PNPLA7: variants seen among roughly 807,000 people sequenced by gnomAD.
The protein encoded by PNPLA7 is patatin like domain 7, lysophospholipase, also known as patatin-like phospholipase domain-containing protein 7.
A neutral mutation model predicts 161.7 loss-of-function variants in PNPLA7; 153 were observed. That is an observed-to-expected ratio of 0.95 (90% CI 0.83 to 1.08). The LOEUF (loss-of-function observed/expected upper bound fraction) is 1.08, where lower values mean the gene tolerates loss of function less well. Ranked by LOEUF, PNPLA7 falls within the 50% of genes least tolerant of loss-of-function variation. The pLI is 0.00. For missense variants in PNPLA7, 1,739 were observed against 1,856.6 expected, an observed-to-expected ratio of 0.94 and a Z score of 1.16; for synonymous variants, 809 against 782.1, an observed-to-expected ratio of 1.03 and a Z score of -0.57.
At chr9:137,464,931 G>A (rs529088521) in intron 26 of PNPLA7, 1 of 170,042 alleles carries the variant, frequency 5.9e-6, no homozygotes, top group South Asian at 1.4e-4. Context: ...TGCCACTGCG[G>A]TACTCCATCA....
intron 11 of PNPLA7, 35 bp downstream of exon 11, chr9:137,519,882 G>T (rs1327119065): frequency 6.3e-7 from 1 of 1,593,120 alleles, no homozygotes; most frequent in South Asian, 1.1e-5. Context: ...CGGACTCTGG[G>T]GCTGGACATT....
At chr9:137,478,429 T>G in intron 24 of PNPLA7, 1 of 315,080 alleles carries the variant, frequency 3.2e-6, no homozygotes. Context: ...TGGGCCCGGG[T>G]GGGGGGCCAG....
rs202149300 is a variant in PNPLA7, at chr9:137,505,994, C to T, written c.1315G>A (p.Val439Met). Residue 439 changes from valine (V) to methionine (M), a missense_variant, in exon 13 of 35, where the codon GTG becomes ATG. By Grantham distance (21) the Val-to-Met change is conservative. Coordinates refer to ENST00000406427, the MANE Select transcript of PNPLA7 (RefSeq NM_001098537.3). ...CAGCCAGGGCCTACCTTGCTGGCCA[C>T]GGAGCTCCCGGGGTGCTCGTCCGAG... The part of the protein sequence containing the change: ...LHSDEHPGSS[V>M]ASKSRKSVMV... 19 of 1,610,210 alleles carry T rather than the reference C, an allele frequency of 1.2e-5. No individual in the cohort carries two copies. Among genetic ancestry groups the T allele is most frequent in the Middle Eastern group, 1.7e-4 (1 of 6,054 alleles).
chr9:137,545,883 G>A (rs530410234), intron 4 of PNPLA7, among the ~76,000 whole-genome samples: 91 of 152,266 alleles, frequency 6.0e-4, no homozygotes, highest in South Asian at 1.0e-3. Context: ...TAGCGGTAGC[G>A]TCAGTGTCAA....
At chr9:137,485,714 C>G (rs534214811) in intron 20 of PNPLA7, among the ~76,000 whole-genome samples, 3 of 152,228 alleles carry the variant, frequency 2.0e-5, no homozygotes, top group Non-Finnish European at 4.4e-5. Flanking sequence ...CCCGGAGACG[C>G]GAGTGAGGGT....
rs71510827 is a variant in PNPLA7, at chr9:137,500,651, G to T, written c.1757+40C>A. 0.1 allele frequency: 164,352 copies of T among 1,591,820 alleles called. 11,356 individuals carry two copies. Among genetic ancestry groups the T allele is most frequent in the East Asian group, 0.26 (11,360 of 44,394 alleles). ...CGGGGAGGGGTCTCAGGGCAGGGGG[G>T]GCTGGGGCCCGCCCTGAGGTCCTGG... On this transcript the variant is annotated intron_variant, in intron 16 of 34. Transcript: ENST00000406427. This position sits in a 1 kb window ranked among gnomAD's most constrained non-coding sequence, Gnocchi z 5.5.
In PNPLA7 at chr9:137,505,587, G is replaced by A. The variant is rs770577461; in HGVS notation, c.1473+27C>T. On this transcript the variant is annotated intron_variant, in intron 14 of 34. Coordinates refer to ENST00000406427, the MANE Select transcript of PNPLA7 (RefSeq NM_001098537.3). ...GGCCACGGGCCCTGGGTGGGACAAG[G>A]GCCAGGTGCCCGCCGGGGCCACTCA... The A allele has an allele frequency of 2.0e-5, 32 of 1,611,878 alleles. 1 individual carries two copies. The South Asian group carries it at 3.5e-4, about 18-fold the overall frequency.
At position 137,460,541 on chromosome 9, in the gene PNPLA7, C is replaced by G. The variant is rs548988198; in HGVS notation, c.3946-65G>C. 2.6e-3 allele frequency: 4,143 copies of G among 1,600,202 alleles called. 8 individuals are homozygous for G. The highest frequency in any genetic ancestry group is 3.2e-3 in the Non-Finnish European group (3,711 of 1,171,564). On this transcript the variant is annotated intron_variant, in intron 34 of 34. Coordinates refer to ENST00000406427, the MANE Select transcript of PNPLA7 (RefSeq NM_001098537.3). ...GGCAGGGGCTCTGCAGCGCTGGTAA[C>G]CCGGTGGGACCACAGGGAGGGAGTG...
intron 7 of PNPLA7, 39 bp downstream of exon 7, chr9:137,542,603 C>T (rs769101489): frequency 6.8e-5 from 103 of 1,509,266 alleles, no homozygotes; most frequent in Middle Eastern, 4.9e-4. Context: ...GAGGTAAATG[C>T]GCAGCCGCCT....
rs1347313254 is a variant in PNPLA7 at position 137,499,147 on chromosome 9, G to C, written c.1758-902C>G. Among the ~76,000 whole-genome samples the C allele has an allele frequency of 1.3e-5, 2 of 151,304 alleles. No homozygotes were observed. The highest frequency in any genetic ancestry group is 4.9e-5 in the African/African-American group (2 of 41,122). The stretch of plus-strand genomic sequence containing the variant: ...ACACAGACACACACAGACACACGGA[G>C]ACAGAGACACTCGCAGACACACGGA... On this transcript the variant is annotated intron_variant, in intron 16 of 34. Coordinates refer to ENST00000406427, the MANE Select transcript of PNPLA7 (RefSeq NM_001098537.3). The surrounding 1 kb of genome is among the most constrained non-coding windows in gnomAD (Gnocchi z 5.5).
intron 20 of PNPLA7, among the ~76,000 whole-genome samples, chr9:137,491,123 G>A (rs1163896461): frequency 6.6e-6 from 1 of 152,198 alleles, no homozygotes; most frequent in African/African-American, 2.4e-5. Context: ...GCTGGGCGCA[G>A]AGGCTCACAG....
rs546826905 is a variant in PNPLA7 at position 137,495,928 on chromosome 9, A to T, written c.2014-782T>A. 6.7e-4 allele frequency among the ~76,000 whole-genome samples: 102 copies of T among 152,114 alleles called. 1 individual carries two copies. Among genetic ancestry groups the T allele is most frequent in the Admixed American group, 3.6e-3 (55 of 15,292 alleles). ...GCCTGCTGAGCCATCGGAGCGCGGG[A>T]CTCTGATGGGAAGACCTTCGGCCCT... is the stretch of plus-strand genomic sequence containing the variant. On this transcript the variant is annotated intron_variant, in intron 18 of 34. Coordinates refer to ENST00000406427, the MANE Select transcript of PNPLA7 (RefSeq NM_001098537.3).
intron 25 of PNPLA7, among the ~76,000 whole-genome samples, chr9:137,475,376 T>TTTATTG (rs1015741576): frequency 1.3e-5 from 2 of 152,148 alleles, no homozygotes; most frequent in African/African-American, 4.8e-5. Context: ...CCTTGTTTTG[T>TTTATTG]TTTTTGTTTT....
At position 137,517,344 on chromosome 9, in the gene PNPLA7, C is replaced by T. The variant is rs1250205852; in HGVS notation, c.1085-1825G>A. On this transcript the variant is annotated intron_variant, in intron 11 of 34. Transcript: ENST00000406427. ...TCCACTCTGTCCACTCCATCCCCCA[C>T]TCACTCACTCCACTCTGTCCACTCC... 1.2e-3 allele frequency among the ~76,000 whole-genome samples: 113 copies of T among 98,170 alleles called. 1 individual carries two copies. Among genetic ancestry groups the T allele is most frequent in the Non-Finnish European group, 1.9e-3 (94 of 49,540 alleles). 64.4% of individuals were successfully genotyped at this position (98,170 alleles called of 152,430 possible).
chr9:137,511,924 T>C (rs763849379), intron 12 of PNPLA7, among the ~76,000 whole-genome samples: 3 of 152,154 alleles, frequency 2.0e-5, no homozygotes, highest in Non-Finnish European at 4.4e-5. Context: ...CGTGGACAGG[T>C]GACTTGCTTG....
At chr9:137,519,179 C>G (rs1237949102) in intron 11 of PNPLA7, among the ~76,000 whole-genome samples, 1 of 152,274 alleles carries the variant, frequency 6.6e-6, no homozygotes, top group Non-Finnish European at 1.5e-5. Flanking sequence ...TTAGTCACTT[C>G]AATTCTTTTG....
In PNPLA7 at chr9:137,467,536, G is replaced by A; in HGVS notation, c.2883-63C>T. The A allele has an allele frequency of 6.4e-7, 1 of 1,571,318 alleles. No individual in the cohort carries two copies. The highest frequency in any genetic ancestry group is 8.6e-7 in the Non-Finnish European group (1 of 1,156,260). ...CAGGCCCAGGCTGCGCCCTGCAGAG[G>A]CCTTGTGCTCATCCTCAGTTCCCAA... On this transcript the variant is annotated intron_variant, in intron 25 of 34. Transcript: ENST00000406427. This position sits in a 1 kb window ranked among gnomAD's most constrained non-coding sequence, Gnocchi z 5.1.
In PNPLA7 at chr9:137,542,733, T is replaced by A. The variant is rs746158422; in HGVS notation, c.575A>T (p.Gln192Leu). The part of the protein sequence containing the change: ...LCKHIVFVQL[Q>L]EGEHVFQPRE... ...GGGCTGGAAGACGTGCTCCCCTTCC[T>A]GCAGCTGCACAAAGACGATGTGTTT... Residue 192 changes from glutamine (Q) to leucine (L), a missense_variant, in exon 7 of 35, where the codon CAG (glutamine) becomes CTG (leucine). Physicochemically the swap from Gln to Leu is moderately radical, Grantham distance 113. Transcript: ENST00000406427. The A allele has an allele frequency of 5.6e-6, 9 of 1,613,632 alleles. No homozygotes were observed. The Admixed American group carries it at 1.5e-4, about 27-fold the overall frequency.
chr9:137,509,230 TTAGC>T (rs1834075301), intron 12 of PNPLA7: 1 of 155,878 alleles, frequency 6.4e-6, no homozygotes, highest in South Asian at 2.0e-4. Flanking sequence ...ACGAGTGAGT[TTAGC>T]TGGCGTGAAT....
Sources: gnomAD v4.1 joint callset for allele counts (sites outside exome capture counted in the v4.1 genomes callset) on GRCh38, gnomAD v4.1.1 for gene constraint, Gnocchi (gnomAD v3.1) non-coding constraint, MANE v1.5 for transcripts, NCBI Gene and HGNC (gene_info 2026-07-23, HGNC 2026-07-21) for gene names.